Variants in ZNF678 observed in about 807,000 individuals in gnomAD.
ZNF678 encodes the protein hypothetical protein MGC42493.
Under a neutral mutation model 3.0 loss-of-function variants are expected in ZNF678, and 5 were observed. That is an observed-to-expected ratio of 1.69 (90% CI 0.88 to 3.56). ZNF678 has a LOEUF of 3.56. Among genes scored for constraint, ZNF678 ranks in the 30% most tolerant of loss-of-function variants. ZNF678 has a pLI of 0.00. For missense variants in ZNF678, 593 were observed against 605.0 expected, an observed-to-expected ratio of 0.98 and a Z score of 0.21; for synonymous variants, 218 against 199.6, an observed-to-expected ratio of 1.09 and a Z score of -0.78.
chr1:227,624,563 A>G (rs1299585390), intron 1 of ZNF678, among the ~76,000 whole-genome samples: 7 of 152,022 alleles, frequency 4.6e-5, no homozygotes, highest in African/African-American at 1.7e-4. Flanking sequence ...GTGGTGGACC[A>G]CTCCCAACAT....
chr1:227,597,982 G>A (rs1657637944), intron 1 of ZNF678, among the ~76,000 whole-genome samples: 1 of 152,088 alleles, frequency 6.6e-6, no homozygotes, highest in Non-Finnish European at 1.5e-5. Context: ...TATACGAGGG[G>A]AAAAAATTAA....
chr1:227,663,143 C>A (rs545013433), downstream of ZNF678, among the ~76,000 whole-genome samples: 1 of 152,120 alleles, frequency 6.6e-6, no homozygotes, highest in Non-Finnish European at 1.5e-5. Context: ...AGAAAAAACA[C>A]CCCAGCCATA....
At chr1:227,579,381 C>T (rs1238819348) in intron 1 of ZNF678, among the ~76,000 whole-genome samples, 2 of 151,982 alleles carry the variant, frequency 1.3e-5, no homozygotes, top group African/African-American at 2.4e-5. Context: ...AGGGGAAGAC[C>T]CACTGTTCTC....
intron 1 of ZNF678, among the ~76,000 whole-genome samples, chr1:227,598,227 A>C (rs1034313384): frequency 6.6e-6 from 1 of 152,226 alleles, no homozygotes; most frequent in African/African-American, 2.4e-5. Flanking sequence ...TGGAAGAGAA[A>C]AAAACAGATG....
intron 2 of ZNF678, among the ~76,000 whole-genome samples, chr1:227,649,867 CATT>C (rs766821293): frequency 6.6e-5 from 10 of 151,910 alleles, no homozygotes; most frequent in Non-Finnish European, 1.5e-4. Context: ...TTATTATTAT[CATT>C]ATTATTGTGT....
At chr1:227,588,504 T>C (rs1388987337) in intron 1 of ZNF678, among the ~76,000 whole-genome samples, 1 of 99,028 alleles carries the variant, frequency 1.0e-5, no homozygotes, top group Non-Finnish European at 1.9e-5. Context: ...TTGTTTTTTT[T>C]ACTTTTTTTT....
intron 1 of ZNF678, 127 bp from the exon 2 acceptor site, chr1:227,646,417 T>C: frequency 1.1e-6 from 1 of 910,476 alleles, no homozygotes; most frequent in Non-Finnish European, 1.5e-6. Context: ...TCTTTGTGTT[T>C]TAAACAATGT....
chr1:227,654,413 A>G lies in ZNF678; in HGVS notation c.163A>G (p.Arg55Gly), dbSNP rs753549085. 3.5e-5 allele frequency: 56 copies of G among 1,611,730 alleles called. No individual in the cohort carries two copies. The highest frequency in any genetic ancestry group is 4.7e-5 in the Non-Finnish European group (55 of 1,178,960). ...KDLCQKVTLT[R>G]HRSWGLDNLH... is the part of the protein sequence containing the mutation. ...TTTATGCCAAAAAGTGACACTGACA[A>G]GACATAGAAGCTGGGGCCTTGACAA... Residue 55 changes from arginine (R) to glycine (G), a missense_variant, in exon 4 of 4, where the codon AGA (arginine) becomes GGA (glycine). Arg to Gly is a moderately radical substitution (Grantham distance 125, BLOSUM62 -2). Coordinates refer to ENST00000343776, the MANE Select transcript of ZNF678 (RefSeq NM_001367909.1).
chr1:227,566,525 A>C (rs1402760115), intron 1 of ZNF678, among the ~76,000 whole-genome samples: 1 of 152,216 alleles, frequency 6.6e-6, no homozygotes, highest in Non-Finnish European at 1.5e-5. Context: ...GTCAGTGAGC[A>C]CTTCAGTGAG....
At chr1:227,677,001 T>C (rs1226845324) in intron 5 of ZNF678, among the ~76,000 whole-genome samples, 1 of 152,214 alleles carries the variant, frequency 6.6e-6, no homozygotes, top group Non-Finnish European at 1.5e-5. Context: ...TGTGTCTTTA[T>C]AGCAGCATGT....
chr1:227,647,356 T>C (rs1422377101), intron 2 of ZNF678, among the ~76,000 whole-genome samples: 1 of 152,216 alleles, frequency 6.6e-6, no homozygotes, highest in Non-Finnish European at 1.5e-5. Context: ...TTCTAGAACC[T>C]TCTAAAAATT....
intron 1 of ZNF678, chr1:227,598,959 T>A: frequency 1.1e-6 from 1 of 936,890 alleles, no homozygotes; most frequent in Non-Finnish European, 1.7e-6. Context: ...TTCTCATTCA[T>A]TTTTTTCTTC....
intron 1 of ZNF678, among the ~76,000 whole-genome samples, chr1:227,626,355 C>T (rs568538702): frequency 1.3e-5 from 2 of 152,208 alleles, no homozygotes; most frequent in South Asian, 4.2e-4. Context: ...CCATTTTAAC[C>T]GCGGTTGGGA....
At chr1:227,618,927 C>T (rs929522047) in intron 1 of ZNF678, among the ~76,000 whole-genome samples, 3 of 152,068 alleles carry the variant, frequency 2.0e-5, no homozygotes, top group Admixed American at 1.3e-4. Context: ...CTGGGGGGGC[C>T]TCAGGAAACT....
At position 227,644,698 on chromosome 1, in the gene ZNF678, C is replaced by T. The variant is rs143177312; in HGVS notation, c.-163-1846C>T. Among the ~76,000 whole-genome samples, 7 of 152,268 alleles carry T rather than the reference C, an allele frequency of 4.6e-5. 2 individuals carry two copies. Among genetic ancestry groups the T allele is most frequent in the African/African-American group, 1.7e-4 (7 of 41,532 alleles). Reference sequence around the variant, plus strand: ...TTACTTAAATTGGGGCTCAGAATAGCAAATGATATATGCACATTGAAGTTC... The same window carrying T: ...TTACTTAAATTGGGGCTCAGAATAGTAAATGATATATGCACATTGAAGTTC... On this transcript the variant is annotated intron_variant, in intron 1 of 3. Coordinates refer to ENST00000343776, the MANE Select transcript of ZNF678 (RefSeq NM_001367909.1).
chr1:227,615,569 C>T (rs1425837358), intron 1 of ZNF678, among the ~76,000 whole-genome samples: 2 of 152,198 alleles, frequency 1.3e-5, no homozygotes, highest in Non-Finnish European at 2.9e-5. Context: ...TCAAGCAACT[C>T]CGAACCTACT....
chr1:227,565,566 T>C (rs1470533895), intron 1 of ZNF678, among the ~76,000 whole-genome samples: 1 of 152,080 alleles, frequency 6.6e-6, no homozygotes, highest in Non-Finnish European at 1.5e-5. Context: ...GTTTCGCTAG[T>C]TACCCATGTT....
At chr1:227,621,321 C>T (rs891115710) in intron 1 of ZNF678, among the ~76,000 whole-genome samples, 1 of 152,122 alleles carries the variant, frequency 6.6e-6, no homozygotes, top group African/African-American at 2.4e-5. Context: ...GGGAGCTTTC[C>T]TATAACAATG....
At chr1:227,593,410 G>A (rs1188843519) in intron 1 of ZNF678, among the ~76,000 whole-genome samples, 1 of 152,158 alleles carries the variant, frequency 6.6e-6, no homozygotes, top group Non-Finnish European at 1.5e-5. Flanking sequence ...AAAACCGGTT[G>A]GGGCAGTCCA....
Sources: gnomAD v4.1 joint callset for allele counts (sites outside exome capture counted in the v4.1 genomes callset) on GRCh38, gnomAD v4.1.1 for gene constraint, MANE v1.5 for transcripts, NCBI Gene and HGNC (gene_info 2026-07-23, HGNC 2026-07-21) for gene names.